Variants in LRP1B observed in about 807,000 individuals in gnomAD.
LRP1B encodes low-density lipoprotein receptor-related protein 1B.
Under a neutral mutation model 556.6 loss-of-function variants are expected in LRP1B, and 217 were observed. The ratio of observed to expected loss-of-function variants is 0.39; its 90% confidence interval spans 0.35 to 0.44. LRP1B has a LOEUF of 0.44. Among genes scored for constraint, LRP1B ranks in the 20% least tolerant of loss-of-function variants. The pLI is 1.00. For missense variants in LRP1B, 5,053 were observed against 5,620.8 expected, an observed-to-expected ratio of 0.90 and a Z score of 3.23; for synonymous variants, 2,047 against 1,865.8, an observed-to-expected ratio of 1.10 and a Z score of -2.50.
Position 140,986,933 on chromosome 2 carries a change from G to T in LRP1B, c.2770+2599C>A, listed in dbSNP as rs545374732. Among the ~76,000 whole-genome samples, 335 of 152,236 alleles carry T rather than the reference G, an allele frequency of 2.2e-3. 3 individuals carry two copies. The highest frequency in any genetic ancestry group is 5.2e-3 in the South Asian group (25 of 4,826). ...CAATGCAAACAGCTACAGGATGGCG[G>T]ATTCAATAACAAAGTAACTTCCCAT... On this transcript the variant is annotated intron_variant, in intron 17 of 90. Coordinates refer to ENST00000389484, the MANE Select transcript of LRP1B (RefSeq NM_018557.3).
chr2:142,085,813 A>G (rs563889151), intron 1 of LRP1B, among the ~76,000 whole-genome samples: 3 of 152,308 alleles, frequency 2.0e-5, no homozygotes, highest in African/African-American at 7.2e-5. Context: ...ATGTAAATAT[A>G]ATACTATGCA....
rs1682090713 is a variant in LRP1B at position 140,588,737 on chromosome 2, G to GGGT, written c.7194+9891_7194+9893dup. ...TCCCAGCACTTTGGGAGGCCAAGGCGGGTGGATCACGAGGTCAGGAGATCA... is the reference window on the plus strand; with the variant it reads ...TCCCAGCACTTTGGGAGGCCAAGGCGGGTGGTGGATCACGAGGTCAGGAGATCA... On this transcript the variant is annotated intron_variant, in intron 43 of 90. Coordinates refer to ENST00000389484, the MANE Select transcript of LRP1B (RefSeq NM_018557.3). Among the ~76,000 whole-genome samples the GGGT allele has an allele frequency of 2.0e-5, 3 of 152,134 alleles. No individual in the cohort carries two copies. In the South Asian group the frequency reaches 6.2e-4, roughly 32 times the overall value.
intron 7 of LRP1B, among the ~76,000 whole-genome samples, chr2:141,164,968 CCTCT>C (rs1339940223): frequency 6.6e-6 from 1 of 151,846 alleles, no homozygotes; most frequent in East Asian, 1.9e-4. Flanking sequence ...TCATCTTATT[CCTCT>C]CTCTAGCTTG....
At chr2:141,361,978 T>A (rs1688841718) in intron 3 of LRP1B, among the ~76,000 whole-genome samples, 1 of 152,198 alleles carries the variant, frequency 6.6e-6, no homozygotes, top group Admixed American at 6.5e-5. Context: ...AAGGATTGTT[T>A]TCTGATACCT....
chr2:140,976,889 C>T (rs1164410480), intron 18 of LRP1B, among the ~76,000 whole-genome samples: 2 of 152,046 alleles, frequency 1.3e-5, no homozygotes, highest in East Asian at 3.9e-4. Flanking sequence ...GTACTACCAA[C>T]TTACATTAAG....
chr2:141,904,869 G>A (rs562128899), intron 1 of LRP1B, among the ~76,000 whole-genome samples: 7 of 151,810 alleles, frequency 4.6e-5, no homozygotes, highest in Non-Finnish European at 1.0e-4. Context: ...TTTTAATTGC[G>A]GCTGACAAGT....
intron 7 of LRP1B, among the ~76,000 whole-genome samples, chr2:141,134,765 T>G (rs561903393): frequency 2.0e-5 from 3 of 151,858 alleles, no homozygotes; most frequent in Admixed American, 2.0e-4. Context: ...AAATAATTAT[T>G]GTAAATATAT....
Position 141,054,886 on chromosome 2 carries a change from TG to T in LRP1B, c.1552+229del, listed in dbSNP as rs1182093855. ...CTTTCTAAAAATCTTCCTCAACATA[TG>T]TTTCCCTAAAATCAATAAATTTAGT... On this transcript the variant is annotated intron_variant, in intron 10 of 90. Coordinates refer to ENST00000389484, the MANE Select transcript of LRP1B (RefSeq NM_018557.3). Among the ~76,000 whole-genome samples the T allele has an allele frequency of 3.3e-5, 5 of 152,122 alleles. No homozygotes were observed. The East Asian group carries it at 9.7e-4, about 30-fold the overall frequency.
chr2:142,018,491 T>C (rs1419775026), intron 1 of LRP1B, among the ~76,000 whole-genome samples: 3 of 152,158 alleles, frequency 2.0e-5, no homozygotes, highest in Non-Finnish European at 4.4e-5. Context: ...TTTTTGGTGG[T>C]TCTTTTAATT....
rs142004181 is a variant in LRP1B at position 141,256,339 on chromosome 2, G to A, written c.344-1698C>T. Among the ~76,000 whole-genome samples the A allele has an allele frequency of 4.6e-5, 7 of 151,924 alleles. No homozygotes were observed. In the East Asian group the frequency reaches 7.8e-4, roughly 17 times the overall value. On this transcript the variant is annotated intron_variant, in intron 3 of 90. Coordinates refer to ENST00000389484, the MANE Select transcript of LRP1B (RefSeq NM_018557.3). ...AGAAACACAGGCAACAATAACGAAC[G>A]CTGCATTGCTAACCTATAATGCTTG...
intron 3 of LRP1B, among the ~76,000 whole-genome samples, chr2:141,449,973 G>A (rs1443626092): frequency 6.6e-6 from 1 of 152,134 alleles, no homozygotes; most frequent in East Asian, 1.9e-4. Flanking sequence ...TCTAGACATT[G>A]TCAAATGTTC....
At chr2:141,824,607 C>T (rs1696863380) in intron 1 of LRP1B, among the ~76,000 whole-genome samples, 1 of 152,218 alleles carries the variant, frequency 6.6e-6, no homozygotes. Context: ...CCCGCCTTGG[C>T]CTTCCAAAGT....
Position 140,238,299 on chromosome 2 carries a change from A to G in LRP1B, c.13416-3T>C, listed in dbSNP as rs775235846. On this transcript the variant is annotated splice_polypyrimidine_tract_variant and splice_region_variant and intron_variant, in intron 88 of 90. Coordinates refer to ENST00000389484, the MANE Select transcript of LRP1B (RefSeq NM_018557.3). ...GTTGTCTTCTAATTGTTTTTGTCCT[A>G]GAATATATAAACATTAATATGTGTG... 1 of 1,469,922 alleles carries G rather than the reference A, an allele frequency of 6.8e-7. No homozygotes were observed. The highest frequency in any genetic ancestry group is 9.5e-7 in the Non-Finnish European group (1 of 1,056,612). The allele number at this position is 1,469,922 out of a possible 1,614,324, so 91.1% of individuals were successfully genotyped here.
chr2:142,008,805 T>C (rs996138287), intron 1 of LRP1B, among the ~76,000 whole-genome samples: 2 of 152,156 alleles, frequency 1.3e-5, no homozygotes, highest in Non-Finnish European at 1.5e-5. Context: ...TTACATGTTA[T>C]ATGTAAAGCT....
intron 2 of LRP1B, among the ~76,000 whole-genome samples, chr2:141,635,063 C>CACACACACAT (rs1419013300): frequency 1.3e-5 from 2 of 151,546 alleles, no homozygotes; most frequent in Non-Finnish European, 2.9e-5. Context: ...CACACACACA[C>CACACACACAT]ACACCAAGTA....
intron 29 of LRP1B, among the ~76,000 whole-genome samples, chr2:140,846,084 C>A (rs1007587965): frequency 2.0e-5 from 3 of 151,918 alleles, no homozygotes; most frequent in African/African-American, 7.3e-5. Flanking sequence ...TTACAAGTAG[C>A]TAGAGAGCAA....
intron 77 of LRP1B, among the ~76,000 whole-genome samples, chr2:140,345,446 A>G (rs1681601743): frequency 6.6e-6 from 1 of 151,094 alleles, no homozygotes; most frequent in South Asian, 2.1e-4. Context: ...CTCTTAATGC[A>G]CTGTATTTAT....
chr2:140,608,527 T>C (rs17194671), intron 41 of LRP1B, among the ~76,000 whole-genome samples: 7,287 of 152,310 alleles, frequency 0.048, 197 homozygotes, highest in Middle Eastern at 0.082. Context: ...TCTTTTGTCC[T>C]TATTATTGCA....
intron 2 of LRP1B, among the ~76,000 whole-genome samples, chr2:141,506,552 C>T (rs541647457): frequency 5.9e-5 from 9 of 152,124 alleles, no homozygotes; most frequent in African/African-American, 1.9e-4. Context: ...CATTATTTAT[C>T]ACTCCACTGT....
Sources: allele counts gnomAD v4.1 joint callset (sites outside exome capture counted in the v4.1 genomes callset), GRCh38; gene constraint gnomAD v4.1.1; transcripts MANE v1.5; gene names NCBI Gene and HGNC (gene_info 2026-07-23, HGNC 2026-07-21).